Variants in DNAJB14 observed in about 807,000 individuals in gnomAD.
DNAJB14 encodes DnaJ heat shock protein family (Hsp40) member B14.
DNAJB14 carries 22 observed loss-of-function variants against 48.4 expected under a neutral mutation model. The ratio of observed to expected loss-of-function variants is 0.45; its 90% CI spans 0.32 to 0.65. The LOEUF is 0.65. Ranked by LOEUF, DNAJB14 falls within the 30% of genes least tolerant of loss-of-function variation. The pLI is 0.03. For missense variants in DNAJB14, 319 were observed against 458.8 expected (o/e 0.70, Z 2.78); for synonymous variants, 142 against 158.7 (o/e 0.89, Z 0.79).
intron 2 of DNAJB14, chr4:99,927,875 C>G (rs1726312377): frequency 6.6e-6 from 1 of 152,100 alleles, no homozygotes; most frequent in Non-Finnish European, 1.5e-5. Context: ...AAACATACAT[C>G]ATGTAAGTGT....
At chr4:99,915,080 A>G (rs1725802492) in intron 3 of DNAJB14, among the ~76,000 whole-genome samples, 1 of 152,174 alleles carries the variant, frequency 6.6e-6, no homozygotes, top group Non-Finnish European at 1.5e-5. Flanking sequence ...TGTAAGGTAG[A>G]AGCATAGATA....
intron 7 of DNAJB14, 36 bp from the exon 8 acceptor site, chr4:99,901,188 A>G (rs2110190046): frequency 1.3e-6 from 2 of 1,551,586 alleles, no homozygotes; most frequent in East Asian, 4.8e-5. Flanking sequence ...TAATTGAATA[A>G]AATTTTTGTC....
At position 99,946,542 on chromosome 4, in the gene DNAJB14, T is replaced by A. The variant is rs1430432273; in HGVS notation, c.30A>T (p.Lys10Asn). The change falls in exon 1 of 8, where the codon AAA (lysine) becomes AAT (asparagine). Residue 10 changes from lysine (K) to asparagine (N), a missense_variant. By Grantham distance (94) the Lys-to-Asn change is moderately conservative. Transcript: ENST00000442697. MEGNRDEAE[K>N]CVEIAREALN... ...GGGCCTCCCGGGCGATCTCGACACA[T>A]TTCTCAGCCTCATCCCTGTTCCCCT... 1.2e-6 allele frequency: 2 copies of A among 1,613,786 alleles called. No homozygotes were observed. The highest frequency in any genetic ancestry group is 1.7e-6 in the Non-Finnish European group (2 of 1,179,744).
At chr4:99,919,311 A>G (rs1725966195) in intron 3 of DNAJB14, among the ~76,000 whole-genome samples, 1 of 152,138 alleles carries the variant, frequency 6.6e-6, no homozygotes, top group Admixed American at 6.5e-5. Flanking sequence ...TAGGCCAGGC[A>G]TGGTGGCTCA....
At chr4:99,939,957 A>G (rs190942318) in intron 1 of DNAJB14, among the ~76,000 whole-genome samples, 1 of 152,346 alleles carries the variant, frequency 6.6e-6, no homozygotes, top group Non-Finnish European at 1.5e-5. Flanking sequence ...ATTCACTTTT[A>G]TGAAAAATTT....
chr4:99,942,398 T>G (rs1481651138), intron 1 of DNAJB14: 1 of 152,044 alleles, frequency 6.6e-6, no homozygotes, highest in Non-Finnish European at 1.5e-5. Context: ...TAAAACAGAT[T>G]GTACCCCTCT....
intron 3 of DNAJB14, among the ~76,000 whole-genome samples, chr4:99,914,135 C>T (rs1304490043): frequency 1.3e-5 from 2 of 152,164 alleles, no homozygotes; most frequent in African/African-American, 2.4e-5. Context: ...GTGAGAACAG[C>T]AGCAAGACAT....
intron 3 of DNAJB14, among the ~76,000 whole-genome samples, chr4:99,913,221 T>G (rs1335720164): frequency 6.6e-6 from 1 of 152,228 alleles, no homozygotes; most frequent in Non-Finnish European, 1.5e-5. Context: ...TGCACTTTGT[T>G]GAATATGAGT....
In DNAJB14 at chr4:99,906,296, A is replaced by G. The variant is rs575312646; in HGVS notation, c.732+221T>C. On this transcript the variant is annotated intron_variant, in intron 5 of 7. Coordinates refer to ENST00000442697, the MANE Select transcript of DNAJB14 (RefSeq NM_001031723.4). ...GTGCAGGTGTACCTTCATTAGAATC[A>G]TAGAATAACAAATCTAAAGGGGTCA... 7 of 1,073,102 alleles carry G rather than the reference A, an allele frequency of 6.5e-6. No individual in the cohort carries two copies. In the East Asian group the frequency reaches 1.7e-4, roughly 26 times the overall value. 66.5% of individuals were successfully genotyped at this position (1,073,102 alleles called of 1,614,324 possible).
intron 3 of DNAJB14, among the ~76,000 whole-genome samples, chr4:99,913,476 T>A (rs182398693): frequency 6.6e-6 from 1 of 152,144 alleles, no homozygotes; most frequent in South Asian, 2.1e-4. Context: ...GGATTACACT[T>A]ATTGATCTTC....
Position 99,901,032 on chromosome 4 carries a change from C to T in DNAJB14, c.1136G>A (p.Gly379Glu). ...LERLTSLYKGG is the reference protein window; with the variant it reads ...LERLTSLYKGE ...GGTATAAATAAAAATTCCAGTTCAT[C>T]CTCCTTTATAAAGACTGGTAAGCCG... The change falls in exon 8 of 8, where the codon GGA becomes GAA. Residue 379 changes from glycine (G) to glutamate (E), a missense_variant. Gly to Glu is a moderately conservative substitution (Grantham distance 98). Transcript: ENST00000442697. The T allele has an allele frequency of 6.2e-7, 1 of 1,602,476 alleles. No individual in the cohort carries two copies. The highest frequency in any genetic ancestry group is 2.2e-5 in the East Asian group (1 of 44,632).
chr4:99,906,668 C>A (rs551220019), intron 4 of DNAJB14, 57 bp from the exon 5 acceptor site: 4 of 1,362,380 alleles, frequency 2.9e-6, no homozygotes, highest in African/African-American at 1.5e-5. Context: ...AGAAAAAATA[C>A]ATTTTCTTTC....
At chr4:99,901,639 C>T (rs1218310989) in intron 7 of DNAJB14, among the ~76,000 whole-genome samples, 2 of 151,996 alleles carry the variant, frequency 1.3e-5, no homozygotes, top group Non-Finnish European at 2.9e-5. Context: ...TGAAGGAACA[C>T]AGATAAAAAA....
At chr4:99,914,084 C>G (rs1725764628) in intron 3 of DNAJB14, among the ~76,000 whole-genome samples, 1 of 152,138 alleles carries the variant, frequency 6.6e-6, no homozygotes, top group Non-Finnish European at 1.5e-5. Context: ...TCAATTCCTT[C>G]AAGAACTAAT....
chr4:99,934,654 G>T (rs923546837), intron 1 of DNAJB14, among the ~76,000 whole-genome samples: 1 of 151,194 alleles, frequency 6.6e-6, no homozygotes, highest in Non-Finnish European at 1.5e-5. Flanking sequence ...TTAGCCGGGC[G>T]TGATGACCAG....
chr4:99,940,947 A>G (rs948170154), intron 1 of DNAJB14, among the ~76,000 whole-genome samples: 4 of 150,702 alleles, frequency 2.7e-5, no homozygotes, highest in Non-Finnish European at 5.9e-5. Flanking sequence ...CTATATATAT[A>G]TATATTTTTT....
intron 3 of DNAJB14, among the ~76,000 whole-genome samples, chr4:99,917,853 T>C (rs1725910427): frequency 6.6e-6 from 1 of 152,196 alleles, no homozygotes; most frequent in African/African-American, 2.4e-5. Context: ...GTCATTTAAA[T>C]TGCTTTTCCC....
chr4:99,945,926 A>C (rs1727051367), intron 1 of DNAJB14, among the ~76,000 whole-genome samples: 1 of 152,226 alleles, frequency 6.6e-6, no homozygotes, highest in Non-Finnish European at 1.5e-5. Context: ...ACTCTCTCCC[A>C]GGGAAAAGCA....
Position 99,898,945 on chromosome 4 carries a change from T to C in DNAJB14, c.*2083A>G, listed in dbSNP as rs1230780792. The C allele has an allele frequency of 6.6e-6, 1 of 151,960 alleles. No individual in the cohort carries two copies. The highest frequency in any genetic ancestry group is 1.5e-5 in the Non-Finnish European group (1 of 67,812). The allele number at this position is 151,960 out of a possible 1,614,324, so 9.4% of individuals were successfully genotyped here. ...TTTACTTGCATACTTCATATGTGGC[T>C]TAAATTGTCAGGCACTCAGTCTGTC... On this transcript the variant is annotated 3_prime_UTR_variant, in exon 8 of 8. Coordinates refer to ENST00000442697, the MANE Select transcript of DNAJB14 (RefSeq NM_001031723.4).
Sources: gnomAD v4.1 joint callset for allele counts (sites outside exome capture counted in the v4.1 genomes callset) on GRCh38, gnomAD v4.1.1 for gene constraint, MANE v1.5 for transcripts, NCBI Gene and HGNC (gene_info 2026-07-23, HGNC 2026-07-21) for gene names.